The following EPB41L2 variants were observed in gnomAD, a reference collection of about 807,000 sequenced individuals.
EPB41L2 encodes erythrocyte membrane protein band 4.1 like 2, also known as band 4.1-like protein 2.
In EPB41L2, 43 loss-of-function variants were observed where a neutral mutation model predicts 113.0. That is an observed-to-expected ratio of 0.38 (90% CI 0.30 to 0.49). The LOEUF (loss-of-function observed/expected upper bound fraction) is 0.49, where lower values mean the gene tolerates loss of function less well. EPB41L2 is among the 20% of genes least tolerant of loss of function. The pLI, the probability that EPB41L2 is intolerant of heterozygous loss-of-function variation, is 0.95. For missense variants in EPB41L2, 1,147 were observed against 1,223.4 expected (o/e 0.94, Z 0.93); for synonymous variants, 442 against 436.7 (o/e 1.01, Z -0.15).
chr6:130,947,023 C>CCG lies in EPB41L2; in HGVS notation c.705+8081_705+8082insCG, dbSNP rs796083835. On this transcript the variant is annotated intron_variant, in intron 3 of 19. Transcript: ENST00000337057. ...AATGCACTGAATAAAGAAGACCCCC[C>CCG]CCCCAGCCCCTTAAATTACTGCAGC... 1.0e-3 allele frequency among the ~76,000 whole-genome samples: 148 copies of CCG among 142,972 alleles called. 1 individual carries two copies. The highest frequency in any genetic ancestry group is 3.7e-3 in the African/African-American group (139 of 37,244). The allele number at this position is 142,972 out of a possible 152,430, so 93.8% of individuals were successfully genotyped here.
chr6:130,961,468 G>A (rs1045403783), intron 1 of EPB41L2, among the ~76,000 whole-genome samples: 1 of 152,122 alleles, frequency 6.6e-6, no homozygotes, highest in Non-Finnish European at 1.5e-5. Flanking sequence ...TAAAAAAGGA[G>A]GTAAATTCTA....
chr6:130,899,436 C>G, intron 8 of EPB41L2, 55 bp downstream of exon 8: 2 of 1,473,176 alleles, frequency 1.4e-6, no homozygotes, highest in Middle Eastern at 3.5e-4. Flanking sequence ...GGAGCCCTCT[C>G]AAAACCTCAG....
chr6:131,047,679 C>T (rs986258172), intron 1 of EPB41L2, among the ~76,000 whole-genome samples: 17 of 152,180 alleles, frequency 1.1e-4, no homozygotes, highest in Admixed American at 6.5e-4. Context: ...TACTGCCAGA[C>T]AGAACCATAT....
intron 14 of EPB41L2, among the ~76,000 whole-genome samples, chr6:130,870,937 G>A (rs906369725): frequency 6.6e-6 from 1 of 152,060 alleles, no homozygotes; most frequent in Non-Finnish European, 1.5e-5. Context: ...TCATAGGTTG[G>A]CAAAGGCTAT....
chr6:130,854,379 T>C (rs1779624748), intron 19 of EPB41L2, among the ~76,000 whole-genome samples: 1 of 141,192 alleles, frequency 7.1e-6, no homozygotes, highest in Admixed American at 7.0e-5. Context: ...TTTGTTCACC[T>C]TATATGTAAG....
intron 14 of EPB41L2, among the ~76,000 whole-genome samples, chr6:130,877,224 T>C (rs989193279): frequency 7.9e-5 from 12 of 152,186 alleles, no homozygotes; most frequent in African/African-American, 2.4e-4. Context: ...TCTAAATCAA[T>C]GTCTACAATT....
At chr6:130,891,976 C>CT (rs1426258063) in intron 10 of EPB41L2, among the ~76,000 whole-genome samples, 1 of 152,126 alleles carries the variant, frequency 6.6e-6, no homozygotes, top group Non-Finnish European at 1.5e-5. Flanking sequence ...TAGATATATT[C>CT]TTTTATATAG....
At chr6:130,873,510 C>A (rs1163223872) in intron 14 of EPB41L2, among the ~76,000 whole-genome samples, 1 of 147,768 alleles carries the variant, frequency 6.8e-6, no homozygotes, top group African/African-American at 2.5e-5. Context: ...GTCACTCAGG[C>A]TGGAGTGCAG....
At chr6:130,853,506 G>A (rs1779346049) in intron 19 of EPB41L2, among the ~76,000 whole-genome samples, 1 of 152,210 alleles carries the variant, frequency 6.6e-6, no homozygotes, top group African/African-American at 2.4e-5. Context: ...GGAGGGAGTA[G>A]TCCTTGAAAG....
At chr6:130,948,736 C>T (rs1000440326) in intron 3 of EPB41L2, among the ~76,000 whole-genome samples, 3 of 151,990 alleles carry the variant, frequency 2.0e-5, no homozygotes, top group Non-Finnish European at 4.4e-5. Flanking sequence ...ATGAGAAATT[C>T]TAACTAAAAT....
chr6:130,895,221 A>G, intron 8 of EPB41L2, 102 bp from the exon 9 acceptor site: 1 of 1,347,198 alleles, frequency 7.4e-7, no homozygotes. Context: ...ATGACAGTTT[A>G]ACAGGTTTGT....
intron 3 of EPB41L2, among the ~76,000 whole-genome samples, chr6:130,954,052 T>TTTTC (rs1816455194): frequency 1.0e-5 from 1 of 100,132 alleles, no homozygotes; most frequent in Admixed American, 1.0e-4. Flanking sequence ...TTTTTTTTTT[T>TTTTC]TTTTTTTTTT....
intron 1 of EPB41L2, among the ~76,000 whole-genome samples, chr6:130,958,312 C>G (rs551853206): frequency 1.3e-5 from 2 of 151,900 alleles, no homozygotes; most frequent in Non-Finnish European, 2.9e-5. Context: ...CTTAGCTGAG[C>G]GTGGTGGCAC....
chr6:130,888,242 T>A (rs930849415), intron 11 of EPB41L2, among the ~76,000 whole-genome samples: 1 of 152,276 alleles, frequency 6.6e-6, no homozygotes, highest in East Asian at 1.9e-4. Context: ...ATCAAAGAGT[T>A]CACTGGCTGT....
At chr6:130,926,529 T>A in intron 4 of EPB41L2, 76 bp downstream of exon 4, 1 of 1,097,820 alleles carries the variant, frequency 9.1e-7, no homozygotes, top group Non-Finnish European at 1.3e-6. Context: ...AAGCTAAATT[T>A]TAAACTGAGA....
chr6:130,876,375 T>G (rs760652765), intron 14 of EPB41L2, among the ~76,000 whole-genome samples: 1 of 152,238 alleles, frequency 6.6e-6, no homozygotes, highest in Non-Finnish European at 1.5e-5. Context: ...CACTTTCACA[T>G]GAAATCAGTT....
chr6:131,028,909 A>G (rs58503799), intron 1 of EPB41L2, among the ~76,000 whole-genome samples: 51,272 of 152,022 alleles, frequency 0.34, 8,820 homozygotes, highest in Non-Finnish European at 0.38. Flanking sequence ...CTCCATGTAT[A>G]CATACAAATG....
rs73775335 is a variant in EPB41L2, at chr6:130,888,821, C to T, written c.1660+1473G>A. ...ATCAACTGAATTTAAATCATTTCCA[C>T]AATTCTGGAAATTTGTTTAAAGCAC... is the stretch of plus-strand genomic sequence containing the variant. On this transcript the variant is annotated intron_variant, in intron 11 of 19. Coordinates refer to ENST00000337057, the MANE Select transcript of EPB41L2 (RefSeq NM_001431.4). Among the ~76,000 whole-genome samples, 652 of 152,240 alleles carry T rather than the reference C, an allele frequency of 4.3e-3. 7 individuals carry two copies. Among genetic ancestry groups the T allele is most frequent in the African/African-American group, 0.015 (626 of 41,542 alleles).
chr6:130,935,815 G>C (rs991751230), intron 3 of EPB41L2, among the ~76,000 whole-genome samples: 5 of 152,116 alleles, frequency 3.3e-5, no homozygotes, highest in Non-Finnish European at 7.4e-5. Context: ...TGCCCACTTG[G>C]AGGACTTCTA....
Sources: gnomAD v4.1 joint callset for allele counts (sites outside exome capture counted in the v4.1 genomes callset) on GRCh38, gnomAD v4.1.1 for gene constraint, MANE v1.5 for transcripts, NCBI Gene and HGNC (gene_info 2026-07-23, HGNC 2026-07-21) for gene names.